Variants in SLC25A27 observed in about 807,000 individuals in gnomAD.
SLC25A27 encodes the protein mitochondrial uncoupling protein 4.
A neutral mutation model predicts 49.1 loss-of-function variants in SLC25A27; 35 were observed. The observed-to-expected ratio is 0.71, with a 90% confidence interval of 0.54 to 0.95. The LOEUF is 0.95. Among genes scored for constraint, SLC25A27 ranks in the 40% least tolerant of loss-of-function variants. The pLI is 0.00. For synonymous variants in SLC25A27, 144 were observed against 136.9 expected (o/e 1.05, Z -0.36); for missense variants, 339 against 397.1 (o/e 0.85, Z 1.24).
Position 46,660,471 on chromosome 6 carries a change from C to T in SLC25A27, c.383+1425C>T, listed in dbSNP as rs76188599. ...CTTGTTAACATTTTTGAACGTGTAACCCCTTTGTGATTATAATCATTTATA... is the reference window on the plus strand; with the variant it reads ...CTTGTTAACATTTTTGAACGTGTAATCCCTTTGTGATTATAATCATTTATA... On this transcript the variant is annotated intron_variant, in intron 3 of 8. Transcript: ENST00000371347. 6.0e-3 allele frequency among the ~76,000 whole-genome samples: 910 copies of T among 152,224 alleles called. 10 individuals are homozygous for T. Among genetic ancestry groups the T allele is most frequent in the African/African-American group, 0.021 (859 of 41,560 alleles).
rs750007548 is a variant in SLC25A27 at position 46,662,512 on chromosome 6, T to C, written c.506+14T>C. The C allele has an allele frequency of 2.5e-6, 4 of 1,613,074 alleles. No individual in the cohort carries two copies. In the Admixed American group the frequency reaches 6.7e-5, roughly 27 times the overall value. On this transcript the variant is annotated intron_variant, in intron 4 of 8. Coordinates refer to ENST00000371347, the MANE Select transcript of SLC25A27 (RefSeq NM_004277.5). ...AAAACCATTGCGGTAAGTTCTCCAA[T>C]TAACCAATACCTCTCTTTTTCCCTT...
intron 1 of SLC25A27, 107 bp downstream of exon 1, chr6:46,653,405 C>G: frequency 6.9e-7 from 1 of 1,441,678 alleles, no homozygotes; most frequent in Non-Finnish European, 9.0e-7. Context: ...GAGAGGTCGC[C>G]CCTTCCATGC....
chr6:46,668,599 C>T, intron 5 of SLC25A27, 110 bp from the exon 6 acceptor site: 1 of 660,102 alleles, frequency 1.5e-6, no homozygotes, highest in Non-Finnish European at 2.8e-6. Context: ...AAGAAGGATT[C>T]CTTGGTAGCT....
At chr6:46,673,608 A>G (rs1223003412) in intron 8 of SLC25A27, among the ~76,000 whole-genome samples, 2 of 152,198 alleles carry the variant, frequency 1.3e-5, no homozygotes, top group Non-Finnish European at 2.9e-5. Context: ...CATAGGCATC[A>G]TGTCATGTGT....
intron 4 of SLC25A27, 49 bp from the exon 5 acceptor site, chr6:46,664,725 A>G: frequency 9.8e-7 from 1 of 1,020,296 alleles, no homozygotes; most frequent in Non-Finnish European, 1.5e-6. Context: ...GTTGAATTTC[A>G]TACACAGGAA....
chr6:46,660,779 T>C (rs4144937), intron 3 of SLC25A27, among the ~76,000 whole-genome samples: 73,483 of 151,972 alleles, frequency 0.48, 17,860 homozygotes, highest in East Asian at 0.56. Context: ...TTTCTTTATC[T>C]TGTTTTTGAA....
intron 1 of SLC25A27, 79 bp downstream of exon 1, chr6:46,653,377 G>T (rs143534316): frequency 2.7e-6 from 4 of 1,485,970 alleles, no homozygotes; most frequent in African/African-American, 1.4e-5. Flanking sequence ...GCGGCTTCGC[G>T]CCCGGCAGTG....
rs1243086019 is a variant in SLC25A27, at chr6:46,677,581, C to A, written c.*1127C>A. On this transcript the variant is annotated 3_prime_UTR_variant, in exon 9 of 9. Coordinates refer to ENST00000371347, the MANE Select transcript of SLC25A27 (RefSeq NM_004277.5). ...TATGGTATACAGTTATGTCTCGAAT[C>A]TTTGAATCAAATCCATGTTCTTATT... 6.6e-6 allele frequency: 1 copy of A among 152,172 alleles called. No homozygotes were observed. Among genetic ancestry groups the A allele is most frequent in the African/African-American group, 2.4e-5 (1 of 41,448 alleles). The allele number at this position is 152,172 out of a possible 1,614,324, so 9.4% of individuals were successfully genotyped here.
At chr6:46,657,905 G>A (rs1209269684) in intron 2 of SLC25A27, among the ~76,000 whole-genome samples, 1 of 152,188 alleles carries the variant, frequency 6.6e-6, no homozygotes, top group African/African-American at 2.4e-5. Context: ...CACCCTTAAA[G>A]GAAGATGGTT....
chr6:46,655,127 G>A lies in SLC25A27; in HGVS notation c.107-716G>A, dbSNP rs567555633. Among the ~76,000 whole-genome samples the A allele has an allele frequency of 1.2e-4, 19 of 152,226 alleles. No individual in the cohort carries two copies. In the East Asian group the frequency reaches 2.1e-3, roughly 17 times the overall value. On this transcript the variant is annotated intron_variant, in intron 1 of 8. Coordinates refer to ENST00000371347, the MANE Select transcript of SLC25A27 (RefSeq NM_004277.5). ...ACTTGTAAGGAGGCCATGAGTAGGCGATGCATATAATTTAGTGCTGGAAAA... is the reference window on the plus strand; with the variant it reads ...ACTTGTAAGGAGGCCATGAGTAGGCAATGCATATAATTTAGTGCTGGAAAA...
rs1762962947 is a variant in SLC25A27 at position 46,655,919 on chromosome 6, T to G, written c.183T>G (p.Gly61=). 2 of 1,613,778 alleles carry G rather than the reference T, an allele frequency of 1.2e-6. No individual in the cohort carries two copies. Among genetic ancestry groups the G allele is most frequent in the Admixed American group, 1.7e-5 (1 of 59,982 alleles). Residue 61 remains glycine, a synonymous_variant, in exon 2 of 9, where the codon GGT becomes GGG. Transcript: ENST00000371347. ...CAGCTCTTGCTCGGTTGGGAGACGG[T>G]GCAAGAGAATCTGCCCCCTATAGGG... is the stretch of plus-strand genomic sequence containing the variant. The part of the protein sequence containing the change: ...GEAALARLGD[G]ARESAPYRGM...
Position 46,653,048 on chromosome 6 carries a change from A to T in SLC25A27, c.-145A>T, listed in dbSNP as rs1305252271. On this transcript the variant is annotated 5_prime_UTR_variant, in exon 1 of 9. Coordinates refer to ENST00000371347, the MANE Select transcript of SLC25A27 (RefSeq NM_004277.5). Reference sequence around the variant, plus strand: ...GGACTGCTAGGAAGGTTGCGGGTCCACCCGGCCGAGCCGAACGAGGGAAAT... The same window carrying T: ...GGACTGCTAGGAAGGTTGCGGGTCCTCCCGGCCGAGCCGAACGAGGGAAAT... The T allele has an allele frequency of 4.0e-6, 3 of 749,374 alleles. No homozygotes were observed. The highest frequency in any genetic ancestry group is 6.6e-6 in the Non-Finnish European group (3 of 454,614). The allele number at this position is 749,374 out of a possible 1,614,324, so 46.4% of individuals were successfully genotyped here.
chr6:46,667,795 A>G (rs1213990003), intron 5 of SLC25A27, among the ~76,000 whole-genome samples: 1 of 152,080 alleles, frequency 6.6e-6, no homozygotes, highest in Non-Finnish European at 1.5e-5. Flanking sequence ...TCTTCAGGGC[A>G]TTTACTTCAA....
intron 2 of SLC25A27, among the ~76,000 whole-genome samples, chr6:46,656,783 C>T (rs1346055303): frequency 6.6e-6 from 1 of 152,118 alleles, no homozygotes; most frequent in Non-Finnish European, 1.5e-5. Context: ...AAGTTACTGT[C>T]CTAAATTTTT....
At chr6:46,658,550 G>C in intron 2 of SLC25A27, 1 of 437,726 alleles carries the variant, frequency 2.3e-6, no homozygotes, top group South Asian at 1.7e-5. Flanking sequence ...GGCATCTGGG[G>C]TAAGTAAAAA....
chr6:46,656,985 G>A (rs1287209984), intron 2 of SLC25A27, among the ~76,000 whole-genome samples: 1 of 152,164 alleles, frequency 6.6e-6, no homozygotes, highest in African/African-American at 2.4e-5. Context: ...GAGCAAGATG[G>A]CAAGACCCTG....
intron 1 of SLC25A27, chr6:46,654,149 A>G: frequency 1.0e-6 from 1 of 984,050 alleles, no homozygotes; most frequent in Non-Finnish European, 1.2e-6. Flanking sequence ...TGAGTAGTAT[A>G]CTCATGTGTT....
chr6:46,654,915 A>T (rs1217883290), intron 1 of SLC25A27, among the ~76,000 whole-genome samples: 1 of 152,166 alleles, frequency 6.6e-6, no homozygotes, highest in African/African-American at 2.4e-5. Flanking sequence ...GAAAAGTCTT[A>T]TATAATGTAA....
chr6:46,676,416 G>GA lies in SLC25A27; in HGVS notation c.940dup (p.Ile314AsnfsTer14). 6.2e-7 allele frequency: 1 copy of GA among 1,613,872 alleles called. No individual in the cohort carries two copies. Among genetic ancestry groups the GA allele is most frequent in the Non-Finnish European group, 8.5e-7 (1 of 1,179,866 alleles). ...GTCAATGGTGTTCTGGCTTACTTAT[G>GA]AAAAAATCAGAGAGATGAGTGGAGT... On this transcript the variant is annotated frameshift_variant, in exon 9 of 9. Transcript: ENST00000371347. LOFTEE classifies it high-confidence loss of function.
Sources: gnomAD v4.1 joint callset for allele counts (sites outside exome capture counted in the v4.1 genomes callset) on GRCh38, gnomAD v4.1.1 for gene constraint, MANE v1.5 for transcripts, NCBI Gene and HGNC (gene_info 2026-07-23, HGNC 2026-07-21) for gene names.